TRIM14: variants seen among roughly 807,000 people sequenced by gnomAD.
The protein encoded by TRIM14 is tripartite motif containing 14.
In TRIM14, 28 loss-of-function variants were observed where a neutral mutation model predicts 44.5. The observed-to-expected ratio is 0.63, with a 90% CI of 0.47 to 0.86. The LOEUF is 0.86. TRIM14 is among the 40% of genes least tolerant of loss of function. The pLI is 0.00. For missense variants in TRIM14, 607 were observed against 611.1 expected (o/e 0.99, Z 0.07); for synonymous variants, 299 against 269.2 (o/e 1.11, Z -1.08).
chr9:98,039,976 C>T, the TRIM14 span, among the ~76,000 whole-genome samples: 1 of 152,124 alleles, frequency 6.6e-6, no homozygotes, highest in African/African-American at 2.4e-5. Context: ...TGGGTGGTTA[C>T]AGGACCACAG....
intron 1 of TRIM14, among the ~76,000 whole-genome samples, chr9:98,114,394 C>T (rs911754378): frequency 1.3e-5 from 2 of 151,908 alleles, no homozygotes; most frequent in Admixed American, 6.6e-5. Flanking sequence ...AGTGCAGTGG[C>T]GTAATCTCGG....
the TRIM14 span, chr9:98,056,903 A>G: frequency 6.2e-7 from 1 of 1,610,474 alleles, no homozygotes; most frequent in Non-Finnish European, 8.5e-7. Flanking sequence ...CACCAGGGCG[A>G]CCTGGACGTA....
intron 2 of TRIM14, among the ~76,000 whole-genome samples, chr9:98,104,893 C>G (rs1457999952): frequency 1.3e-5 from 2 of 152,198 alleles, no homozygotes; most frequent in Non-Finnish European, 2.9e-5. Context: ...TTCCAACAAC[C>G]CTCCCACGGA....
At chr9:98,060,380 T>C in the TRIM14 span, among the ~76,000 whole-genome samples, 1 of 152,146 alleles carries the variant, frequency 6.6e-6, no homozygotes, top group East Asian at 1.9e-4. Context: ...TTAAAGATGG[T>C]GATGTCGGCT....
At position 98,087,289 on chromosome 9, in the gene TRIM14, G is replaced by T. The variant is rs1443777442; in HGVS notation, c.*181C>A. ...CAGCAGACTTGTTTAGGGCCTGTTT[G>T]AAACTAGCCTAGGAGAGGAAACCTT... On this transcript the variant is annotated 3_prime_UTR_variant, in exon 6 of 6. Transcript: ENST00000341469. 2.0e-6 allele frequency: 2 copies of T among 998,958 alleles called. No homozygotes were observed. Among genetic ancestry groups the T allele is most frequent in the East Asian group, 2.4e-5 (1 of 42,102 alleles). The allele number at this position is 998,958 out of a possible 1,614,324, so 61.9% of individuals were successfully genotyped here. A position where few individuals can be genotyped will look rare whatever the true frequency, so the allele number is the denominator to read the frequency against.
intron 6 of TRIM14, among the ~76,000 whole-genome samples, chr9:98,071,761 C>T (rs1829346046): frequency 6.6e-6 from 1 of 152,206 alleles, no homozygotes; most frequent in Non-Finnish European, 1.5e-5. Context: ...CCTGAGTCAG[C>T]GCAGAACCAG....
Position 98,093,115 on chromosome 9 carries a change from T to C in TRIM14, c.701-1114A>G, listed in dbSNP as rs375871408. On this transcript the variant is annotated intron_variant, in intron 4 of 5. Coordinates refer to ENST00000341469, the MANE Select transcript of TRIM14 (RefSeq NM_014788.4). ...CATTCCCTCCAGTCCTAAATACTCT[T>C]TCTCACTTCAGAAAATGACAGTTTC... Among the ~76,000 whole-genome samples, 14 of 152,282 alleles carry C rather than the reference T, an allele frequency of 9.2e-5. No individual in the cohort carries two copies. The East Asian group carries it at 2.7e-3, about 29-fold the overall frequency.
At chr9:98,057,843 TTATC>T in the TRIM14 span, among the ~76,000 whole-genome samples, 41,388 of 149,126 alleles carry the variant, frequency 0.28, 6,149 homozygotes, top group Admixed American at 0.38. Context: ...ATTTATTTAT[TTATC>T]TATGTTAGAG....
At chr9:98,117,631 T>C (rs896240308) in intron 1 of TRIM14, among the ~76,000 whole-genome samples, 1 of 152,176 alleles carries the variant, frequency 6.6e-6, no homozygotes, top group African/African-American at 2.4e-5. Context: ...TGGTAAACAA[T>C]TTAGGAACTG....
chr9:98,094,975 A>G lies in TRIM14; in HGVS notation c.592T>C (p.Cys198Arg), dbSNP rs769574344. ...TCAAAGGAGAGGGGCACGGGATGGC[A>G]CAGCTCCCCGAGGCTCATCTGCTGC... ...MQQQMSLGEL[C>R]HPVPLSFEPV... The change falls in exon 4 of 6, where the codon TGC (cysteine) becomes CGC (arginine). Residue 198 changes from cysteine (C) to arginine (R), a missense_variant. Physicochemically the swap from Cys to Arg is radical, Grantham distance 180. This residue lies in a region of TRIM14 where 246 missense variants were observed against 270.8 expected (regional missense o/e 0.91). Coordinates refer to ENST00000341469, the MANE Select transcript of TRIM14 (RefSeq NM_014788.4). 5 of 1,614,132 alleles carry G rather than the reference A, an allele frequency of 3.1e-6. No homozygotes were observed. Among genetic ancestry groups the G allele is most frequent in the African/African-American group, 2.7e-5 (2 of 75,028 alleles).
chr9:98,067,979 C>T (rs1169888387), downstream of TRIM14, among the ~76,000 whole-genome samples: 1 of 152,202 alleles, frequency 6.6e-6, no homozygotes, highest in East Asian at 1.9e-4. Context: ...ACCTTGGCCT[C>T]CCAAAGTGCT....
At chr9:98,040,067 C>G in the TRIM14 span, among the ~76,000 whole-genome samples, 3 of 152,084 alleles carry the variant, frequency 2.0e-5, no homozygotes, top group African/African-American at 7.2e-5. Flanking sequence ...TGCTCTTGAA[C>G]TCCTGGGCTC....
chr9:98,072,504 C>T (rs1456475323), intron 6 of TRIM14, among the ~76,000 whole-genome samples: 3 of 151,766 alleles, frequency 2.0e-5, no homozygotes, highest in African/African-American at 4.8e-5. Context: ...CTCCACCTCA[C>T]GGGTTCAAGC....
At chr9:98,038,816 C>T in the TRIM14 span, among the ~76,000 whole-genome samples, 5 of 151,910 alleles carry the variant, frequency 3.3e-5, no homozygotes, top group East Asian at 3.9e-4. Context: ...TTTGGGAGGC[C>T]GAGGCAGGCG....
chr9:98,088,461 TCTC>T (rs1429532173), intron 5 of TRIM14, among the ~76,000 whole-genome samples: 2 of 152,106 alleles, frequency 1.3e-5, no homozygotes, highest in African/African-American at 2.4e-5. Flanking sequence ...TTCAGGCCAT[TCTC>T]CTGCCTCAGC....
chr9:98,062,178 C>T, the TRIM14 span, among the ~76,000 whole-genome samples: 25 of 151,770 alleles, frequency 1.6e-4, no homozygotes, highest in Admixed American at 1.6e-3. Flanking sequence ...AGCACTCCAG[C>T]CTGGGTGATA....
downstream of TRIM14, among the ~76,000 whole-genome samples, chr9:98,079,767 T>C (rs891264453): frequency 9.9e-5 from 15 of 152,220 alleles, no homozygotes; most frequent in African/African-American, 3.4e-4. Flanking sequence ...ACACTACACA[T>C]TGCAGGAGTT....
chr9:98,101,060 C>T (rs1400939208), intron 2 of TRIM14, among the ~76,000 whole-genome samples: 1 of 152,220 alleles, frequency 6.6e-6, no homozygotes, highest in Non-Finnish European at 1.5e-5. Context: ...ACAGCAACCA[C>T]TGCCTCCCAG....
chr9:98,067,867 A>G (rs769096376), downstream of TRIM14, among the ~76,000 whole-genome samples: 92 of 151,966 alleles, frequency 6.1e-4, 1 homozygote, highest in Non-Finnish European at 3.2e-4. Flanking sequence ...GACTATAGGC[A>G]TGCGCCATCA....
Sources: gnomAD v4.1 joint callset for allele counts (sites outside exome capture counted in the v4.1 genomes callset) on GRCh38, gnomAD v4.1.1 for gene constraint, gnomAD v4.1.1 regional missense constraint, MANE v1.5 for transcripts, NCBI Gene and HGNC (gene_info 2026-07-23, HGNC 2026-07-21) for gene names.